TRMT2B: variants seen among roughly 807,000 people sequenced by gnomAD.
TRMT2B encodes the protein tRNA methyltransferase 2B.
In TRMT2B, 34 loss-of-function variants were observed where a neutral mutation model predicts 39.7. The ratio of observed to expected loss-of-function variants is 0.86; its 90% CI spans 0.65 to 1.14. The LOEUF (loss-of-function observed/expected upper bound fraction) is 1.14. Ranked by LOEUF, TRMT2B falls within the 50% of genes most tolerant of loss-of-function variation. The pLI is 0.00. For missense variants in TRMT2B, 318 were observed against 377.2 expected (o/e 0.84, Z 1.30); for synonymous variants, 132 against 137.3 (o/e 0.96, Z 0.27).
the TRMT2B span, among the ~76,000 whole-genome samples, chrX:101,000,121 AT>A: frequency 0.025 from 2,383 of 95,741 alleles, 24 homozygotes; most frequent in Non-Finnish European, 0.035. Flanking sequence ...ATGAGAGTTA[AT>A]TTTTTTTTTT....
chrX:101,034,244 C>G (rs986361605), intron 7 of TRMT2B, among the ~76,000 whole-genome samples: 1 of 106,251 alleles, frequency 9.4e-6, no homozygotes, highest in African/African-American at 3.5e-5. Context: ...CAGGTTCTAG[C>G]GATTCTCATA....
the TRMT2B span, chrX:100,974,242 A>G: frequency 1.0e-6 from 1 of 982,628 alleles, no homozygotes; most frequent in East Asian, 3.3e-5. Context: ...TCTCCCATGG[A>G]CCCCAGAATC....
the TRMT2B span, among the ~76,000 whole-genome samples, chrX:100,978,836 T>C: frequency 3.6e-5 from 4 of 111,231 alleles, no homozygotes; most frequent in Non-Finnish European, 7.5e-5. Context: ...TTGCTTTATA[T>C]TTTTTGTCTA....
the TRMT2B span, among the ~76,000 whole-genome samples, chrX:100,977,526 G>A: frequency 2.7e-5 from 3 of 109,864 alleles, no homozygotes; most frequent in East Asian, 2.9e-4. Context: ...GATTACAGGC[G>A]TGTGCCACCA....
intron 2 of TRMT2B, among the ~76,000 whole-genome samples, chrX:101,049,665 C>A (rs1170088695): frequency 9.2e-6 from 1 of 108,332 alleles, no homozygotes; most frequent in African/African-American, 3.4e-5. Context: ...TGGTGGCGCA[C>A]GCCTATAATC....
intron 2 of TRMT2B, among the ~76,000 whole-genome samples, chrX:101,049,875 C>T (rs2088952498): frequency 9.0e-6 from 1 of 111,034 alleles, no homozygotes; most frequent in African/African-American, 3.3e-5. Context: ...AATGAAGAGG[C>T]AAGAGACATA....
At chrX:101,026,581 G>A (rs1208354469) in intron 7 of TRMT2B, among the ~76,000 whole-genome samples, 32 of 110,601 alleles carry the variant, frequency 2.9e-4, no homozygotes, top group African/African-American at 9.5e-4. Context: ...CTTCTCCACT[G>A]TATGACCTAG....
rs1386437447 is a variant in TRMT2B, at chrX:101,046,883, G to A, written c.-24+4368C>T. Among the ~76,000 whole-genome samples the A allele has an allele frequency of 5.4e-5, 6 of 110,504 alleles. No homozygotes were observed. In the South Asian group the frequency reaches 1.2e-3, roughly 21 times the overall value. On this transcript the variant is annotated intron_variant, in intron 2 of 13. Transcript: ENST00000372936. ...GGAGGTTGCGGTGAGCCGAGATCAC[G>A]CCATTGCACTCCAGCCTGGGCAACA...
At chrX:101,036,809 C>CCCATTGTAACACCCAA (rs1239381098) in intron 6 of TRMT2B, among the ~76,000 whole-genome samples, 165 bp downstream of exon 6, 7 of 112,085 alleles carry the variant, frequency 6.2e-5, no homozygotes, top group Non-Finnish European at 1.1e-4. Flanking sequence ...GTTACAATGA[C>CCCATTGTAACACCCAA]TACCCATTAG....
the TRMT2B span, chrX:100,973,762 T>TA: frequency 8.3e-7 from 1 of 1,205,262 alleles, no homozygotes; most frequent in Non-Finnish European, 1.1e-6. Flanking sequence ...ATATTACAAT[T>TA]ATTTCCCTAG....
the TRMT2B span, among the ~76,000 whole-genome samples, chrX:101,000,843 A>G: frequency 1.8e-3 from 207 of 111,946 alleles, no homozygotes; most frequent in Non-Finnish European, 3.2e-4. Flanking sequence ...TTAAATCAGA[A>G]TGTGAAGTGA....
chrX:100,973,682 G>A, the TRMT2B span: 2 of 1,209,748 alleles, frequency 1.7e-6, no homozygotes, highest in South Asian at 3.5e-5. Context: ...TAAGAACTAA[G>A]ATGAATCATG....
At chrX:101,017,554 A>G (rs1443184004) in intron 13 of TRMT2B, among the ~76,000 whole-genome samples, 13 of 112,165 alleles carry the variant, frequency 1.2e-4, no homozygotes. Flanking sequence ...TCAATGCTAC[A>G]AATAAATTAT....
At chrX:101,050,597 G>A (rs183161702) in intron 2 of TRMT2B, among the ~76,000 whole-genome samples, 381 of 111,108 alleles carry the variant, frequency 3.4e-3, no homozygotes, top group African/African-American at 0.012. Flanking sequence ...GGTGGCGCAC[G>A]CCTGTAATCC....
the TRMT2B span, among the ~76,000 whole-genome samples, chrX:101,002,853 T>A: frequency 1.9e-4 from 21 of 109,910 alleles, no homozygotes; most frequent in African/African-American, 6.9e-4. Context: ...GGCTTTTCAA[T>A]CCCCAATTAA....
chrX:100,979,078 G>T, the TRMT2B span, among the ~76,000 whole-genome samples: 1 of 111,449 alleles, frequency 9.0e-6, no homozygotes, highest in Non-Finnish European at 1.9e-5. Flanking sequence ...TTATTATACT[G>T]TCTTGAAAAG....
At chrX:100,998,957 C>A in the TRMT2B span, among the ~76,000 whole-genome samples, 1 of 112,433 alleles carries the variant, frequency 8.9e-6, no homozygotes, top group Non-Finnish European at 1.9e-5. Context: ...AGACAGACTA[C>A]TAAACAGTTT....
At chrX:100,986,145 G>A in the TRMT2B span, among the ~76,000 whole-genome samples, 4 of 111,239 alleles carry the variant, frequency 3.6e-5, no homozygotes, top group Non-Finnish European at 7.5e-5. Context: ...AATTTTGAAG[G>A]GAAGCATCAA....
intron 7 of TRMT2B, among the ~76,000 whole-genome samples, chrX:101,027,413 T>C (rs1204050401): frequency 4.6e-5 from 5 of 109,213 alleles, no homozygotes; most frequent in Non-Finnish European, 7.6e-5. Context: ...TGCATTTTTT[T>C]TTTTTTTTTT....
Sources: allele counts gnomAD v4.1 joint callset (sites outside exome capture counted in the v4.1 genomes callset), GRCh38; gene constraint gnomAD v4.1.1; transcripts MANE v1.5; gene names NCBI Gene and HGNC (gene_info 2026-07-23, HGNC 2026-07-21).